The following CLMN variants were observed in gnomAD, a reference collection of about 807,000 sequenced individuals.
The protein encoded by CLMN is calmin (calponin-like, transmembrane).
A neutral mutation model predicts 92.7 loss-of-function variants in CLMN; 57 were observed. That is an observed-to-expected ratio of 0.61 (90% CI 0.50 to 0.77). The LOEUF (loss-of-function observed/expected upper bound fraction) is 0.77, where lower values mean the gene tolerates loss of function less well. Among genes scored for constraint, CLMN ranks in the 30% least tolerant of loss-of-function variants. The pLI is 0.00. For missense variants in CLMN, 1,158 were observed against 1,237.5 expected (o/e 0.94, Z 0.96); for synonymous variants, 466 against 470.6 (o/e 0.99, Z 0.13).
chr14:95,277,893 T>G (rs1261338060), intron 1 of CLMN, among the ~76,000 whole-genome samples: 1 of 152,222 alleles, frequency 6.6e-6, no homozygotes, highest in Non-Finnish European at 1.5e-5. Context: ...TCCCAAAGTG[T>G]TGGGATTACA....
chr14:95,272,213 G>A (rs1899737292), intron 1 of CLMN, among the ~76,000 whole-genome samples: 2 of 152,204 alleles, frequency 1.3e-5, no homozygotes, highest in African/African-American at 2.4e-5. Flanking sequence ...GCTGGAGCAG[G>A]CTCTGGAGAA....
chr14:95,272,244 G>A (rs1489968043), intron 1 of CLMN, among the ~76,000 whole-genome samples: 1 of 152,222 alleles, frequency 6.6e-6, no homozygotes, highest in Non-Finnish European at 1.5e-5. Flanking sequence ...TGAGCCGGAG[G>A]AGGAGCCTGC....
chr14:95,195,196 C>T (rs11848786), intron 10 of CLMN, among the ~76,000 whole-genome samples: 24,916 of 152,246 alleles, frequency 0.16, 2,996 homozygotes, highest in African/African-American at 0.33. Flanking sequence ...TGCTCAAGGA[C>T]TCTTTGAGAA....
intron 1 of CLMN, among the ~76,000 whole-genome samples, chr14:95,262,128 C>T (rs904940700): frequency 4.6e-5 from 7 of 152,336 alleles, no homozygotes; most frequent in Non-Finnish European, 7.3e-5. Flanking sequence ...CTCCCCACAT[C>T]GTTTGGACAG....
intron 1 of CLMN, among the ~76,000 whole-genome samples, chr14:95,250,358 G>GT (rs929496073): frequency 6.6e-6 from 1 of 152,168 alleles, no homozygotes; most frequent in African/African-American, 2.4e-5. Flanking sequence ...TAGTTCCAAT[G>GT]TTTTTTTCCT....
At chr14:95,213,104 T>C in intron 6 of CLMN, 115 bp downstream of exon 6, 2 of 1,152,798 alleles carry the variant, frequency 1.7e-6, no homozygotes, top group Non-Finnish European at 2.5e-6. Context: ...TGATATTCTA[T>C]ATGAAGCAAT....
chr14:95,290,255 C>T (rs1001213508), intron 1 of CLMN, among the ~76,000 whole-genome samples: 3 of 152,192 alleles, frequency 2.0e-5, no homozygotes, highest in Non-Finnish European at 4.4e-5. Flanking sequence ...GGTGGTGGTG[C>T]TTTGTGACTC....
intron 1 of CLMN, among the ~76,000 whole-genome samples, chr14:95,235,239 C>A (rs529235531): frequency 1.2e-4 from 18 of 152,288 alleles, no homozygotes; most frequent in African/African-American, 4.1e-4. Context: ...CGTCATGAGC[C>A]TCTGGGATGA....
At chr14:95,254,178 G>A (rs540663738) in intron 1 of CLMN, among the ~76,000 whole-genome samples, 5 of 152,226 alleles carry the variant, frequency 3.3e-5, no homozygotes, top group African/African-American at 9.6e-5. Flanking sequence ...CTCACCCATC[G>A]TGCAGTTGTG....
At chr14:95,236,104 T>C (rs538944025) in intron 1 of CLMN, among the ~76,000 whole-genome samples, 1 of 152,370 alleles carries the variant, frequency 6.6e-6, no homozygotes, top group Admixed American at 6.5e-5. Flanking sequence ...TTGTCTCTTC[T>C]GTAAGCCTCA....
At chr14:95,313,850 G>C (rs1231146293) in intron 1 of CLMN, among the ~76,000 whole-genome samples, 2 of 152,212 alleles carry the variant, frequency 1.3e-5, no homozygotes, top group Admixed American at 1.3e-4. Flanking sequence ...AAAATTAAAT[G>C]CCAGAGTGTT....
At chr14:95,308,872 A>G (rs1901403491) in intron 1 of CLMN, among the ~76,000 whole-genome samples, 1 of 152,158 alleles carries the variant, frequency 6.6e-6, no homozygotes, top group African/African-American at 2.4e-5. Flanking sequence ...GCATGGCCAT[A>G]TATTTGGAAT....
intron 1 of CLMN, among the ~76,000 whole-genome samples, chr14:95,231,715 C>A (rs1046528725): frequency 1.3e-5 from 2 of 152,198 alleles, no homozygotes; most frequent in Non-Finnish European, 2.9e-5. Context: ...AGCTGGGAAT[C>A]CCCATCCAGG....
chr14:95,290,772 A>C (rs137990452), intron 1 of CLMN, among the ~76,000 whole-genome samples: 1 of 152,012 alleles, frequency 6.6e-6, no homozygotes, highest in Non-Finnish European at 1.5e-5. Context: ...AAACCCACGG[A>C]CCTCCTTATG....
Position 95,204,308 on chromosome 14 carries a change from G to C in CLMN, c.1041C>G (p.Pro347=), listed in dbSNP as rs753910127. The stretch of plus-strand genomic sequence containing the variant: ...GCTTGTCACAGACAAAGACTTTGGA[G>C]GGTGGTGGGTGGCTGGTTTCATGGT... ...TVNHETSHPP[P]SKVFVCDKPE... is the part of the protein sequence containing the mutation. Residue 347 remains proline (P), a synonymous_variant, in exon 9 of 13, where the codon CCC becomes CCG. Transcript: ENST00000298912. 1 of 1,614,126 alleles carries C rather than the reference G, an allele frequency of 6.2e-7. No individual in the cohort carries two copies. The highest frequency in any genetic ancestry group is 8.5e-7 in the Non-Finnish European group (1 of 1,180,020).
At chr14:95,300,173 G>T (rs1244348974) in intron 1 of CLMN, among the ~76,000 whole-genome samples, 1 of 152,190 alleles carries the variant, frequency 6.6e-6, no homozygotes, top group African/African-American at 2.4e-5. Context: ...GTTAGCTCTG[G>T]GCCAGGCTCC....
chr14:95,266,950 T>TA (rs1404341607), intron 1 of CLMN, among the ~76,000 whole-genome samples: 1 of 152,216 alleles, frequency 6.6e-6, no homozygotes, highest in Non-Finnish European at 1.5e-5. Context: ...GTCTCTTTAA[T>TA]AAGTGGTGCT....
intron 1 of CLMN, among the ~76,000 whole-genome samples, chr14:95,245,680 G>A (rs1595053784): frequency 8.4e-6 from 1 of 119,300 alleles, no homozygotes; most frequent in Non-Finnish European, 1.7e-5. Flanking sequence ...AGATGGATGG[G>A]TGGGTGGGTG....
chr14:95,252,626 G>A (rs1898835566), intron 1 of CLMN, among the ~76,000 whole-genome samples: 2 of 152,296 alleles, frequency 1.3e-5, no homozygotes, highest in South Asian at 4.1e-4. Flanking sequence ...GGTGGGGACT[G>A]GCCGCCAATC....
Sources: allele counts gnomAD v4.1 joint callset (sites outside exome capture counted in the v4.1 genomes callset), GRCh38; gene constraint gnomAD v4.1.1; transcripts MANE v1.5; gene names NCBI Gene and HGNC (gene_info 2026-07-23, HGNC 2026-07-21).